KRABD5: variants seen among roughly 807,000 people sequenced by gnomAD.
KRABD5 encodes the protein KRAB domain containing 5, also known as KRAB domain-containing protein 5.
chr16:31,760,014 A>G, the KRABD5 span: 1 of 123,454 alleles, frequency 8.1e-6, no homozygotes, highest in African/African-American at 3.1e-5. Flanking sequence ...CAACGTCCTA[A>G]TCTCATGGGC....
the KRABD5 span, among the ~76,000 whole-genome samples, chr16:31,714,832 A>T: frequency 6.6e-6 from 1 of 152,264 alleles, no homozygotes; most frequent in East Asian, 1.9e-4. Flanking sequence ...GGAGATTGGG[A>T]AGCTCTTTCT....
chr16:31,716,541 A>G, the KRABD5 span, among the ~76,000 whole-genome samples: 1 of 152,114 alleles, frequency 6.6e-6, no homozygotes. Context: ...ACACCTGGCT[A>G]ATTTTTGCAA....
the KRABD5 span, chr16:31,759,983 G>C: frequency 7.4e-6 from 1 of 134,820 alleles, no homozygotes; most frequent in Non-Finnish European, 1.6e-5. Flanking sequence ...TTAGCAGATG[G>C]GTTTGAATAT....
At chr16:31,751,348 A>G in the KRABD5 span, among the ~76,000 whole-genome samples, 5 of 152,200 alleles carry the variant, frequency 3.3e-5, no homozygotes, top group African/African-American at 1.2e-4. Flanking sequence ...GGAATAGTTT[A>G]GTAGAACTGA....
At chr16:31,756,536 A>T in the KRABD5 span, 1 of 152,150 alleles carries the variant, frequency 6.6e-6, no homozygotes, top group African/African-American at 2.4e-5. Flanking sequence ...AATATACTTT[A>T]TATCAATTTT....
At chr16:31,717,276 G>A in the KRABD5 span, among the ~76,000 whole-genome samples, 15 of 152,248 alleles carry the variant, frequency 9.9e-5, no homozygotes, top group South Asian at 2.1e-4. Flanking sequence ...GATTACAGGC[G>A]TGAGCCACTG....
the KRABD5 span, among the ~76,000 whole-genome samples, chr16:31,751,628 G>A: frequency 0.13 from 20,267 of 152,004 alleles, 1,785 homozygotes; most frequent in South Asian, 0.32. Context: ...CCCCTTTGTT[G>A]TTTCTGATTG....
At chr16:31,728,055 A>G in the KRABD5 span, among the ~76,000 whole-genome samples, 1 of 152,056 alleles carries the variant, frequency 6.6e-6, no homozygotes, top group Non-Finnish European at 1.5e-5. Flanking sequence ...GGGTTTCATT[A>G]TGTTGCCCAG....
chr16:31,720,370 TG>T, the KRABD5 span, among the ~76,000 whole-genome samples: 1 of 152,220 alleles, frequency 6.6e-6, no homozygotes, highest in Non-Finnish European at 1.5e-5. Context: ...CTACTGATTA[TG>T]GGTCTTAAGC....
the KRABD5 span, among the ~76,000 whole-genome samples, chr16:31,715,490 G>T: frequency 2.0e-5 from 3 of 152,154 alleles, no homozygotes; most frequent in Non-Finnish European, 4.4e-5. Context: ...TCTTCCATTA[G>T]GCTGAGTTGT....
At chr16:31,756,590 G>T in the KRABD5 span, 1 of 151,952 alleles carries the variant, frequency 6.6e-6, no homozygotes. Context: ...TATTCTCATG[G>T]TTACTATTTT....
At chr16:31,746,957 C>G in the KRABD5 span, among the ~76,000 whole-genome samples, 1 of 151,608 alleles carries the variant, frequency 6.6e-6, no homozygotes, top group Non-Finnish European at 1.5e-5. Context: ...CTGTGTTTCT[C>G]AGCTCCATCA....
At chr16:31,722,644 G>A in the KRABD5 span, 2 of 1,613,430 alleles carry the variant, frequency 1.2e-6, no homozygotes, top group Non-Finnish European at 1.7e-6. Flanking sequence ...GACATTCAGG[G>A]ATGTGGCCAT....
chr16:31,741,980 C>T, the KRABD5 span, among the ~76,000 whole-genome samples: 10 of 151,824 alleles, frequency 6.6e-5, no homozygotes, highest in South Asian at 4.1e-4. Context: ...GAAATGTAGG[C>T]GTCTATGTTC....
At chr16:31,731,687 A>G in the KRABD5 span, among the ~76,000 whole-genome samples, 1 of 152,224 alleles carries the variant, frequency 6.6e-6, no homozygotes, top group African/African-American at 2.4e-5. Flanking sequence ...TTACAGGGCT[A>G]CTTTAAGATT....
the KRABD5 span, chr16:31,713,572 G>T: frequency 1.4e-5 from 18 of 1,286,910 alleles, no homozygotes; most frequent in Non-Finnish European, 1.9e-5. Context: ...CCCCTCCGCC[G>T]CAAGATGGCG....
chr16:31,759,309 A>C, the KRABD5 span: 1 of 1,524,562 alleles, frequency 6.6e-7, no homozygotes, highest in African/African-American at 1.4e-5. Context: ...CAATGAGAGA[A>C]AAGTTGGACA....
At chr16:31,722,570 A>G in the KRABD5 span, 1 of 1,589,068 alleles carries the variant, frequency 6.3e-7, no homozygotes, top group South Asian at 1.2e-5. Flanking sequence ...TGGTTTGTCA[A>G]GTGATGAACT....
chr16:31,733,143 C>T, the KRABD5 span, among the ~76,000 whole-genome samples: 1 of 152,094 alleles, frequency 6.6e-6, no homozygotes, highest in South Asian at 2.1e-4. Context: ...AGCTATATGC[C>T]TGTTGCTTAT....
Sources: allele counts gnomAD v4.1 joint callset (sites outside exome capture counted in the v4.1 genomes callset), GRCh38; gene constraint gnomAD v4.1.1; transcripts MANE v1.5; gene names NCBI Gene and HGNC (gene_info 2026-07-23, HGNC 2026-07-21).